Variants in ROBO2 observed in about 807,000 individuals in gnomAD.
ROBO2 encodes roundabout guidance receptor 2.
ROBO2 carries 53 observed loss-of-function variants against 160.8 expected under a neutral mutation model. The ratio of observed to expected loss-of-function variants is 0.33; its 90% CI spans 0.26 to 0.41. ROBO2 has a LOEUF of 0.41. ROBO2 is among the 10% of genes least tolerant of loss of function. The probability of loss-of-function intolerance (pLI) is 1.00; values close to 1 mark genes in which losing one functional copy is unlikely to be tolerated. For missense variants in ROBO2, 1,577 were observed against 1,722.4 expected (o/e 0.92, Z 1.49); for synonymous variants, 664 against 611.7 (o/e 1.09, Z -1.26).
rs150467942 is a variant in ROBO2 at position 76,208,168 on chromosome 3, A to G, written c.109+270566A>G. 5.8e-3 allele frequency among the ~76,000 whole-genome samples: 888 copies of G among 152,202 alleles called. 6 individuals are homozygous for G. Among genetic ancestry groups the G allele is most frequent in the African/African-American group, 0.02 (849 of 41,518 alleles). ...GTACAGCCTGTGGAGCCATGAGCCA[A>G]TTAGTCCTCTTTTCTTTATAAATCA... On this transcript the variant is annotated intron_variant, in intron 2 of 26. Coordinates refer to the ROBO2 transcript ENST00000487694.
At chr3:76,197,481 G>A (rs1268426080) in intron 2 of ROBO2, among the ~76,000 whole-genome samples, 2 of 152,042 alleles carry the variant, frequency 1.3e-5, no homozygotes, top group Non-Finnish European at 2.9e-5. Context: ...TCTCTCTATA[G>A]ATTTGGATCT....
chr3:76,270,664 G>A (rs1274192856), intron 2 of ROBO2, among the ~76,000 whole-genome samples: 3 of 151,966 alleles, frequency 2.0e-5, no homozygotes, highest in African/African-American at 4.8e-5. Context: ...TTGGATAAAT[G>A]AGTAAAACAA....
At chr3:76,007,017 T>A (rs2066039290) in intron 2 of ROBO2, among the ~76,000 whole-genome samples, 1 of 152,108 alleles carries the variant, frequency 6.6e-6, no homozygotes, top group Non-Finnish European at 1.5e-5. Context: ...TACCAGTTTT[T>A]AAGGGACTAC....
chr3:75,920,782 A>G (rs575609282), intron 1 of ROBO2, among the ~76,000 whole-genome samples: 39 of 152,030 alleles, frequency 2.6e-4, no homozygotes, highest in African/African-American at 9.1e-4. Flanking sequence ...CTACTACGTA[A>G]TGCCCTTTGT....
At chr3:76,575,321 A>C (rs1017900937) in intron 2 of ROBO2, among the ~76,000 whole-genome samples, 1 of 152,046 alleles carries the variant, frequency 6.6e-6, no homozygotes, top group East Asian at 1.9e-4. Context: ...TTCTCTCCTA[A>C]TACTATAAAA....
In ROBO2 at chr3:76,272,953, A is replaced by ATATTTATATATAAAATATATAAAAT. The variant is rs1559706585; in HGVS notation, c.109+335351_109+335352insTATTTATATATAAAATATATAAAAT. Among the ~76,000 whole-genome samples the ATATTTATATATAAAATATATAAAAT allele has an allele frequency of 2.0e-3, 64 of 31,312 alleles. 3 individuals are homozygous for ATATTTATATATAAAATATATAAAAT. The highest frequency in any genetic ancestry group is 3.8e-3 in the African/African-American group (53 of 13,950). 20.5% of individuals were successfully genotyped at this position (31,312 alleles called of 152,430 possible). A position where few individuals can be genotyped will look rare whatever the true frequency, so the allele number is the denominator to read the frequency against. On this transcript the variant is annotated intron_variant, in intron 2 of 26. Coordinates refer to the ROBO2 transcript ENST00000487694. The stretch of plus-strand genomic sequence containing the variant: ...TTATATATAAATATATAAAATATAT[A>ATATTTATATATAAAATATATAAAAT]ATATATATTTATATATAAAATATAT...
chr3:76,871,657 A>G (rs2148681713), intron 2 of ROBO2, among the ~76,000 whole-genome samples: 1 of 152,364 alleles, frequency 6.6e-6, no homozygotes, highest in Middle Eastern at 3.4e-3. Context: ...TACAGATAAA[A>G]CATATTTTTC....
At chr3:76,877,262 G>C (rs1249132898) in intron 2 of ROBO2, among the ~76,000 whole-genome samples, 1 of 152,248 alleles carries the variant, frequency 6.6e-6, no homozygotes, top group African/African-American at 2.4e-5. Flanking sequence ...GAAGTGCTCT[G>C]GTTCTAGTCA....
At chr3:77,545,005 C>G (rs1408018960) in intron 6 of ROBO2, among the ~76,000 whole-genome samples, 1 of 151,930 alleles carries the variant, frequency 6.6e-6, no homozygotes, top group Non-Finnish European at 1.5e-5. Context: ...TACCCCCATC[C>G]CTTTCTTTTA....
intron 1 of ROBO2, among the ~76,000 whole-genome samples, chr3:77,058,198 A>C (rs1048709930): frequency 6.6e-6 from 1 of 152,198 alleles, no homozygotes; most frequent in Non-Finnish European, 1.5e-5. Flanking sequence ...GTGAATAGAA[A>C]ACTGAGCTTA....
chr3:77,016,450 T>A (rs1029760472), intron 2 of ROBO2, among the ~76,000 whole-genome samples: 1 of 152,164 alleles, frequency 6.6e-6, no homozygotes, highest in African/African-American at 2.4e-5. Flanking sequence ...TATCTTCGTA[T>A]GCATTGAAGA....
At chr3:76,127,280 T>G (rs1171316794) in intron 2 of ROBO2, among the ~76,000 whole-genome samples, 1 of 152,110 alleles carries the variant, frequency 6.6e-6, no homozygotes, top group African/African-American at 2.4e-5. Flanking sequence ...GCACTCTAAC[T>G]TTTCACAAAG....
At chr3:76,789,059 GCCC>G (rs1383282548) in intron 2 of ROBO2, among the ~76,000 whole-genome samples, 2 of 151,402 alleles carry the variant, frequency 1.3e-5, no homozygotes, top group Admixed American at 6.6e-5. Context: ...TGATCTATCT[GCCC>G]AACATGCCAA....
chr3:77,095,631 A>G (rs1019037145), intron 1 of ROBO2, among the ~76,000 whole-genome samples: 2 of 152,190 alleles, frequency 1.3e-5, no homozygotes, highest in Non-Finnish European at 2.9e-5. Context: ...TGCCTGTTAC[A>G]TGAAAAGTGA....
intron 2 of ROBO2, among the ~76,000 whole-genome samples, chr3:76,059,336 G>A (rs1274579424): frequency 1.3e-5 from 2 of 151,994 alleles, no homozygotes; most frequent in Middle Eastern, 3.4e-3. Context: ...TTGAATGATT[G>A]CCATTCTAAC....
chr3:76,990,919 G>C (rs753060501), intron 2 of ROBO2, among the ~76,000 whole-genome samples: 1 of 152,116 alleles, frequency 6.6e-6, no homozygotes, highest in African/African-American at 2.4e-5. Flanking sequence ...CCCCTCCCAA[G>C]TGCTGGCGGG....
intron 2 of ROBO2, among the ~76,000 whole-genome samples, chr3:76,379,501 T>C (rs1047823363): frequency 2.6e-4 from 40 of 152,308 alleles, no homozygotes; most frequent in African/African-American, 9.1e-4. Flanking sequence ...TCTTGGGCTA[T>C]GCTTGTAGTG....
At chr3:77,534,256 A>G (rs1300783900) in intron 6 of ROBO2, among the ~76,000 whole-genome samples, 1 of 152,146 alleles carries the variant, frequency 6.6e-6, no homozygotes, top group Non-Finnish European at 1.5e-5. Flanking sequence ...CTTAACCTAA[A>G]CAGCAAAAAG....
In ROBO2 at chr3:77,301,779, A is replaced by T. The variant is rs75391998; in HGVS notation, c.389-175635A>T. 4.9e-3 allele frequency among the ~76,000 whole-genome samples: 752 copies of T among 152,284 alleles called. 5 individuals carry two copies. The highest frequency in any genetic ancestry group is 0.017 in the African/African-American group (721 of 41,564). ...AACTCTTTTACTAAATTCACGGTGT[A>T]GTGGTTAAATGTATCACTCTGGGGT... On this transcript the variant is annotated intron_variant, in intron 2 of 25. Coordinates refer to ENST00000461745, the Ensembl canonical transcript of ROBO2.
Sources: allele counts gnomAD v4.1 joint callset (sites outside exome capture counted in the v4.1 genomes callset), GRCh38; gene constraint gnomAD v4.1.1; transcripts MANE v1.5; gene names NCBI Gene and HGNC (gene_info 2026-07-23, HGNC 2026-07-21).